FAM184A: variants seen among roughly 807,000 people sequenced by gnomAD.
FAM184A encodes the protein protein FAM184A.
FAM184A carries 99 observed loss-of-function variants against 143.8 expected under a neutral mutation model. That is an observed-to-expected ratio of 0.69 (90% CI 0.58 to 0.81). FAM184A has a LOEUF of 0.81. FAM184A is among the 40% of genes least tolerant of loss of function. The pLI is 0.00. For synonymous variants in FAM184A, 427 were observed against 446.4 expected, an observed-to-expected ratio of 0.96 and a Z score of 0.55; for missense variants, 1,217 against 1,310.5, an observed-to-expected ratio of 0.93 and a Z score of 1.10.
In FAM184A at chr6:118,960,017, A is replaced by T; in HGVS notation, c.*86T>A. On this transcript the variant is annotated 3_prime_UTR_variant, in exon 18 of 18. Coordinates refer to ENST00000338891, the MANE Select transcript of FAM184A (RefSeq NM_024581.6). Reference sequence around the variant, plus strand: ...AATACTTTCTCATTCACAGTGTTTGACATAGGAAAGCCTATTTACATAACA... The same window carrying T: ...AATACTTTCTCATTCACAGTGTTTGTCATAGGAAAGCCTATTTACATAACA... 9.9e-7 allele frequency: 1 copy of T among 1,006,646 alleles called. No homozygotes were observed. The highest frequency in any genetic ancestry group is 2.5e-5 in the East Asian group (1 of 40,736). 62.4% of individuals were successfully genotyped at this position (1,006,646 alleles called of 1,614,324 possible).
chr6:119,001,353 A>T (rs962711185), intron 9 of FAM184A, among the ~76,000 whole-genome samples: 4 of 151,968 alleles, frequency 2.6e-5, no homozygotes, highest in African/African-American at 4.8e-5. Context: ...GGCATGGAGC[A>T]TCACAGAATA....
chr6:118,994,400 G>C (rs1784474803), intron 9 of FAM184A, among the ~76,000 whole-genome samples: 1 of 151,944 alleles, frequency 6.6e-6, no homozygotes, highest in African/African-American at 2.4e-5. Flanking sequence ...AAAAGCCAGA[G>C]GGTTGGCCGG....
At chr6:119,124,763 T>C (rs1278151203) in intron 1 of FAM184A, among the ~76,000 whole-genome samples, 3 of 152,158 alleles carry the variant, frequency 2.0e-5, no homozygotes, top group Non-Finnish European at 4.4e-5. Context: ...TAATTTTTTT[T>C]TTTTATATCT....
At chr6:118,961,634 T>G in intron 17 of FAM184A, 127 bp downstream of exon 17, 2 of 830,358 alleles carry the variant, frequency 2.4e-6, no homozygotes, top group Non-Finnish European at 3.9e-6. Flanking sequence ...ATAAATATAC[T>G]TTGAAGAAAA....
At chr6:119,059,308 G>T (rs1354969557) in intron 1 of FAM184A, among the ~76,000 whole-genome samples, 1 of 152,198 alleles carries the variant, frequency 6.6e-6, no homozygotes, top group Non-Finnish European at 1.5e-5. Context: ...ATTTTGGGTG[G>T]TGTAAAAGCA....
At chr6:119,073,344 A>C (rs1439440182) in intron 1 of FAM184A, among the ~76,000 whole-genome samples, 1 of 152,226 alleles carries the variant, frequency 6.6e-6, no homozygotes, top group Non-Finnish European at 1.5e-5. Flanking sequence ...TTAAGTGATA[A>C]ACAGACTCTG....
intron 1 of FAM184A, among the ~76,000 whole-genome samples, chr6:119,092,948 T>C (rs1182910792): frequency 6.6e-6 from 1 of 152,192 alleles, no homozygotes; most frequent in Non-Finnish European, 1.5e-5. Context: ...ATCACAAATC[T>C]CTAGGGGCCT....
At chr6:119,100,315 G>A (rs1486794354) in intron 1 of FAM184A, among the ~76,000 whole-genome samples, 1 of 152,160 alleles carries the variant, frequency 6.6e-6, no homozygotes, top group African/African-American at 2.4e-5. Context: ...ACTGCCATGA[G>A]TAATTGGGGC....
At chr6:119,024,953 T>C in intron 1 of FAM184A, 140 bp from the exon 2 acceptor site, 1 of 816,808 alleles carries the variant, frequency 1.2e-6, no homozygotes, top group Non-Finnish European at 1.9e-6. Flanking sequence ...GGAATCTTGA[T>C]GCAATTGTTT....
At chr6:119,119,400 A>G (rs1018038701) in intron 1 of FAM184A, among the ~76,000 whole-genome samples, 1 of 152,120 alleles carries the variant, frequency 6.6e-6, no homozygotes, top group Non-Finnish European at 1.5e-5. Flanking sequence ...AACTACCGAC[A>G]TGTGAAGTCT....
intron 10 of FAM184A, 101 bp from the exon 11 acceptor site, chr6:118,979,619 A>G (rs577114475): frequency 1.1e-6 from 1 of 922,042 alleles, no homozygotes; most frequent in South Asian, 2.0e-5. Flanking sequence ...TTTAAGAAAT[A>G]CAAAATGTTT....
chr6:119,063,124 T>C (rs979547316), intron 1 of FAM184A, among the ~76,000 whole-genome samples: 2 of 152,192 alleles, frequency 1.3e-5, no homozygotes, highest in Non-Finnish European at 2.9e-5. Flanking sequence ...AATAGGAGAA[T>C]ATTGGTATAT....
intron 1 of FAM184A, among the ~76,000 whole-genome samples, chr6:119,046,919 G>C (rs188734502): frequency 6.6e-6 from 1 of 152,176 alleles, no homozygotes; most frequent in East Asian, 1.9e-4. Context: ...CACAGCAAAG[G>C]ATATAATCAA....
intron 1 of FAM184A, among the ~76,000 whole-genome samples, chr6:119,027,491 A>G (rs533509122): frequency 1.3e-5 from 2 of 152,320 alleles, no homozygotes; most frequent in Non-Finnish European, 2.9e-5. Flanking sequence ...GGACACAGTG[A>G]AATATAGCAG....
At chr6:119,113,594 G>A (rs1163934781) in intron 1 of FAM184A, among the ~76,000 whole-genome samples, 1 of 151,836 alleles carries the variant, frequency 6.6e-6, no homozygotes, top group Non-Finnish European at 1.5e-5. Context: ...TCTGAAAATA[G>A]GTGAGTACAG....
chr6:119,018,849 C>G (rs2114677816), intron 4 of FAM184A, among the ~76,000 whole-genome samples: 1 of 152,046 alleles, frequency 6.6e-6, no homozygotes, highest in East Asian at 1.9e-4. Flanking sequence ...GCTGAGAAAA[C>G]AGTAATCAAG....
intron 10 of FAM184A, 41 bp from the exon 11 acceptor site, chr6:118,979,559 G>T (rs749276250): frequency 1.2e-5 from 17 of 1,462,852 alleles, no homozygotes; most frequent in Non-Finnish European, 1.6e-5. Flanking sequence ...TAGAATATAG[G>T]AAGGAAAATG....
chr6:118,978,271 C>T (rs1783908102), intron 11 of FAM184A, among the ~76,000 whole-genome samples: 1 of 152,140 alleles, frequency 6.6e-6, no homozygotes, highest in Non-Finnish European at 1.5e-5. Context: ...CCAACAAAGA[C>T]ATATTTGAAT....
intron 1 of FAM184A, among the ~76,000 whole-genome samples, chr6:119,120,746 G>A (rs1038590111): frequency 6.6e-6 from 1 of 151,644 alleles, no homozygotes; most frequent in South Asian, 2.1e-4. Context: ...TTTGAGTGGA[G>A]AAATGTATTA....
Sources: allele counts gnomAD v4.1 joint callset (sites outside exome capture counted in the v4.1 genomes callset), GRCh38; gene constraint gnomAD v4.1.1; transcripts MANE v1.5; gene names NCBI Gene and HGNC (gene_info 2026-07-23, HGNC 2026-07-21).